Variants in ACSM3 observed in about 807,000 individuals in gnomAD.
ACSM3 encodes acyl-CoA synthetase medium chain family member 3.
A neutral mutation model predicts 74.1 loss-of-function variants in ACSM3; 61 were observed. The observed-to-expected ratio is 0.82, with a 90% CI of 0.67 to 1.02. The LOEUF is 1.02. ACSM3 is among the 50% of genes least tolerant of loss of function. The pLI is 0.00. For synonymous variants in ACSM3, 213 were observed against 241.5 expected, an observed-to-expected ratio of 0.88 and a Z score of 1.09; for missense variants, 660 against 697.0, an observed-to-expected ratio of 0.95 and a Z score of 0.60.
Position 20,790,210 on chromosome 16 carries a change from G to C in ACSM3, c.1225-377G>C, listed in dbSNP as rs1377279496. ...CTCATGCCTATAATCCCAGCACTTT[G>C]GGAGGCCAAGGCTGGAATATCACTG... is the stretch of plus-strand genomic sequence containing the variant. On this transcript the variant is annotated intron_variant, in intron 9 of 13. Transcript: ENST00000289416. This position sits in a 1 kb window ranked among gnomAD's most constrained non-coding sequence, Gnocchi z 4.0. Among the ~76,000 whole-genome samples, 1 of 152,094 alleles carries C rather than the reference G, an allele frequency of 6.6e-6. No homozygotes were observed. Among genetic ancestry groups the C allele is most frequent in the Non-Finnish European group, 1.5e-5 (1 of 68,018 alleles).
At chr16:20,793,885 C>T (rs190725383) in intron 12 of ACSM3, among the ~76,000 whole-genome samples, 2 of 152,270 alleles carry the variant, frequency 1.3e-5, no homozygotes, top group African/African-American at 4.8e-5. Context: ...GTAGCTGAGC[C>T]TTTCGGAACA....
intron 1 of ACSM3, chr16:20,736,203 C>A (rs1255325261): frequency 1.3e-5 from 2 of 152,058 alleles, no homozygotes; most frequent in Non-Finnish European, 2.9e-5. Flanking sequence ...GACAGAATTT[C>A]TTTGTGTCCC....
intron 10 of ACSM3, among the ~76,000 whole-genome samples, chr16:20,791,495 C>T (rs1341994203): frequency 3.3e-5 from 5 of 152,234 alleles, no homozygotes; most frequent in Admixed American, 2.6e-4. Context: ...CATGACTAAT[C>T]TTTGTAACTG....
At chr16:20,737,427 C>T (rs1035098411) in intron 1 of ACSM3, 8 of 899,850 alleles carry the variant, frequency 8.9e-6, no homozygotes, top group Admixed American at 6.8e-5. Flanking sequence ...ATAATCTGAA[C>T]CCTTACAATA....
intron 1 of ACSM3, among the ~76,000 whole-genome samples, chr16:20,709,029 C>T (rs189039724): frequency 1.3e-5 from 2 of 152,334 alleles, no homozygotes; most frequent in East Asian, 3.9e-4. Flanking sequence ...GAAGAAAGGA[C>T]AGTCTTTTTA....
chr16:20,718,023 GAA>G (rs1227222058), intron 1 of ACSM3, among the ~76,000 whole-genome samples: 58 of 147,092 alleles, frequency 3.9e-4, no homozygotes, highest in African/African-American at 1.5e-3. Flanking sequence ...AGAAGAAGAA[GAA>G]GAAAAGAAAG....
chr16:20,685,521 C>A, intron 1 of ACSM3: 1 of 922,902 alleles, frequency 1.1e-6, no homozygotes, highest in East Asian at 2.5e-5. Context: ...ACTGAGATCC[C>A]ATTTTAAAAC....
chr16:20,769,067 T>A (rs2080160645), intron 1 of ACSM3, among the ~76,000 whole-genome samples: 1 of 152,224 alleles, frequency 6.6e-6, no homozygotes, highest in Non-Finnish European at 1.5e-5. Flanking sequence ...AATGTATCAA[T>A]ACAGAAATGC....
chr16:20,759,217 A>G (rs186878609), upstream of ACSM3, among the ~76,000 whole-genome samples: 341 of 152,248 alleles, frequency 2.2e-3, 3 homozygotes, highest in Middle Eastern at 0.01. Flanking sequence ...TTAATTACCA[A>G]TGACCAATGA....
chr16:20,786,161 T>C lies in ACSM3; in HGVS notation c.1224+3T>C. ...CTTCTCCTGCTTTCGATGTTAAGGT[T>C]TGCACATCCCCTTCCAGGAGAATGT... On this transcript the variant is annotated splice_donor_region_variant and intron_variant, in intron 9 of 13. Transcript: ENST00000289416. The C allele has an allele frequency of 6.2e-7, 1 of 1,609,112 alleles. No individual in the cohort carries two copies.
At chr16:20,777,287 CA>C in intron 3 of ACSM3, 85 bp from the exon 4 acceptor site, 1 of 1,222,294 alleles carries the variant, frequency 8.2e-7, no homozygotes, top group African/African-American at 1.5e-5. Context: ...CTGAGAAATA[CA>C]GAATGTATAG....
chr16:20,726,701 T>A (rs1239594665), intron 1 of ACSM3, among the ~76,000 whole-genome samples: 1 of 152,218 alleles, frequency 6.6e-6, no homozygotes, highest in East Asian at 1.9e-4. Flanking sequence ...TTACTAATAG[T>A]GTGGCCTTGG....
chr16:20,741,631 G>T lies in ACSM3; in HGVS notation c.-189-8279G>T, dbSNP rs374344025. On this transcript the variant is annotated intron_variant, in intron 1 of 3. Transcript: ENST00000561584. ...CCCTGTAGCCCGGGCTCTAGCTGAC[G>T]GGGCCCGCCAGCGTCGCAGCGCCGA... 251 of 1,578,946 alleles carry T rather than the reference G, an allele frequency of 1.6e-4. No individual in the cohort carries two copies. The highest frequency in any genetic ancestry group is 2.0e-4 in the Non-Finnish European group (235 of 1,162,922).
At chr16:20,782,321 C>A (rs1012383054) in intron 7 of ACSM3, among the ~76,000 whole-genome samples, 4 of 152,058 alleles carry the variant, frequency 2.6e-5, no homozygotes, top group African/African-American at 9.7e-5. Flanking sequence ...GTGGTGACTT[C>A]TGAGATTTTG....
intron 1 of ACSM3, chr16:20,682,483 T>G (rs775791749): frequency 1.2e-6 from 2 of 1,602,170 alleles, no homozygotes; most frequent in East Asian, 2.2e-5. Context: ...AGAAAGGAAC[T>G]GATTGTTTTG....
intron 1 of ACSM3, among the ~76,000 whole-genome samples, chr16:20,764,329 T>C (rs964006728): frequency 6.6e-6 from 1 of 152,264 alleles, no homozygotes; most frequent in Non-Finnish European, 1.5e-5. Flanking sequence ...CAAAAGGCTA[T>C]AAATGTAGCA....
rs747096823 is a variant in ACSM3, at chr16:20,790,905, A to G, written c.1326+217A>G. On this transcript the variant is annotated intron_variant, in intron 10 of 13. Transcript: ENST00000289416. This position sits in a 1 kb window ranked among gnomAD's most constrained non-coding sequence, Gnocchi z 4.0. ...TCCCCTGAGGCCAGATCACTGTTCC[A>G]GGTCCACGAAGGCAAGAGGAAGGGA... 4 of 1,614,110 alleles carry G rather than the reference A, an allele frequency of 2.5e-6. No individual in the cohort carries two copies. In the South Asian group the frequency reaches 4.4e-5, roughly 18 times the overall value.
At chr16:20,734,313 A>G (rs1435989062) in intron 1 of ACSM3, 7 of 152,646 alleles carry the variant, frequency 4.6e-5, no homozygotes, top group African/African-American at 1.7e-4. Flanking sequence ...AGAAGGCACC[A>G]AAATCCTATC....
chr16:20,693,268 C>T (rs541661246), intron 1 of ACSM3, among the ~76,000 whole-genome samples: 4 of 152,088 alleles, frequency 2.6e-5, no homozygotes, highest in Admixed American at 6.5e-5. Context: ...CCTAGAGTAG[C>T]ATTCAGGACA....
Sources: gnomAD v4.1 joint callset for allele counts (sites outside exome capture counted in the v4.1 genomes callset) on GRCh38, gnomAD v4.1.1 for gene constraint, Gnocchi (gnomAD v3.1) non-coding constraint, MANE v1.5 for transcripts, NCBI Gene and HGNC (gene_info 2026-07-23, HGNC 2026-07-21) for gene names.